Variants in PCDH11X observed in about 807,000 individuals in gnomAD.
The protein encoded by PCDH11X is protocadherin-11 X-linked.
In PCDH11X, 18 loss-of-function variants were observed where a neutral mutation model predicts 53.3. The observed-to-expected ratio is 0.34, with a 90% CI of 0.23 to 0.50. PCDH11X has a LOEUF of 0.50. Ranked by LOEUF, PCDH11X falls within the 20% of genes least tolerant of loss-of-function variation. PCDH11X has a pLI of 0.98. For synonymous variants in PCDH11X, 279 were observed against 393.3 expected, an observed-to-expected ratio of 0.71 and a Z score of 3.44; for missense variants, 570 against 1,032.4, an observed-to-expected ratio of 0.55 and a Z score of 6.14.
intron 1 of PCDH11X, among the ~76,000 whole-genome samples, chrX:91,795,847 T>C (rs1482970446): frequency 9.0e-6 from 1 of 111,494 alleles, no homozygotes; most frequent in African/African-American, 3.2e-5. Flanking sequence ...GACCCCAAAA[T>C]ACATTAAGGT....
chrX:91,942,544 A>G (rs1319983060), intron 6 of PCDH11X, among the ~76,000 whole-genome samples: 3 of 110,867 alleles, frequency 2.7e-5, no homozygotes, highest in Non-Finnish European at 5.7e-5. Context: ...TATATCTATT[A>G]AGGAAATGGA....
chrX:92,003,102 G>C (rs2062537835), intron 6 of PCDH11X, among the ~76,000 whole-genome samples: 1 of 104,248 alleles, frequency 9.6e-6, no homozygotes, highest in African/African-American at 3.5e-5. Context: ...ATCATGAAAG[G>C]ATGTTGAATT....
At chrX:91,938,510 A>G (rs2061471765) in intron 6 of PCDH11X, among the ~76,000 whole-genome samples, 1 of 107,123 alleles carries the variant, frequency 9.3e-6, no homozygotes, top group Admixed American at 1.0e-4. Context: ...GATGGTTAGA[A>G]TTTCTGGAGC....
chrX:91,952,044 C>T (rs2061646479), intron 6 of PCDH11X, among the ~76,000 whole-genome samples: 2 of 110,350 alleles, frequency 1.8e-5, no homozygotes, highest in Admixed American at 9.7e-5. Flanking sequence ...AGAAAGAAAA[C>T]TCCCCTAAGT....
intron 6 of PCDH11X, among the ~76,000 whole-genome samples, chrX:91,967,700 AC>A (rs757018540): frequency 7.2e-4 from 80 of 110,830 alleles, no homozygotes; most frequent in African/African-American, 2.6e-3. Flanking sequence ...AAAAAGGAAG[AC>A]CCCCCTAGCA....
chrX:92,313,447 C>A (rs967837574), intron 8 of PCDH11X, among the ~76,000 whole-genome samples: 4 of 111,347 alleles, frequency 3.6e-5, no homozygotes, highest in African/African-American at 1.3e-4. Context: ...AGAAAAGATA[C>A]AATTTGTTTC....
At chrX:92,473,220 T>A (rs1210500832) in intron 10 of PCDH11X, among the ~76,000 whole-genome samples, 1 of 107,881 alleles carries the variant, frequency 9.3e-6, no homozygotes, top group Non-Finnish European at 1.9e-5. Context: ...TGTCAATTTC[T>A]TCTGGCTTTT....
At chrX:92,159,329 A>G (rs2065595858) in intron 6 of PCDH11X, among the ~76,000 whole-genome samples, 1 of 109,384 alleles carries the variant, frequency 9.1e-6, no homozygotes, top group Admixed American at 9.8e-5. Flanking sequence ...TTCAACATGT[A>G]TTGAATATAA....
At chrX:92,063,997 G>T (rs1167983538) in intron 6 of PCDH11X, among the ~76,000 whole-genome samples, 2 of 108,755 alleles carry the variant, frequency 1.8e-5, no homozygotes, top group African/African-American at 6.7e-5. Context: ...ACTTTCTTGG[G>T]GTGGTGACAG....
intron 6 of PCDH11X, among the ~76,000 whole-genome samples, chrX:91,977,433 C>T (rs760396694): frequency 6.5e-4 from 73 of 111,920 alleles, no homozygotes; most frequent in African/African-American, 2.1e-3. Context: ...GAAAGAAATA[C>T]CCCAAACCAC....
intron 1 of PCDH11X, among the ~76,000 whole-genome samples, chrX:91,788,193 C>T (rs997430833): frequency 1.8e-5 from 2 of 111,532 alleles, no homozygotes; most frequent in African/African-American, 6.5e-5. Flanking sequence ...AGTATCTTAT[C>T]AGAAAGTTAA....
intron 10 of PCDH11X, chrX:92,515,395 G>A (rs1273350468): frequency 5.4e-5 from 13 of 242,439 alleles, no homozygotes; most frequent in Non-Finnish European, 6.9e-5. Context: ...CAGTCTGCCC[G>A]TTGCTCATAG....
chrX:92,076,348 T>C (rs1432500624), intron 6 of PCDH11X, among the ~76,000 whole-genome samples: 1 of 98,544 alleles, frequency 1.0e-5, no homozygotes, highest in African/African-American at 4.4e-5. Context: ...CAAGTGAAGA[T>C]GTGCCAAACT....
At chrX:91,861,013 C>T (rs1420001484) in intron 5 of PCDH11X, among the ~76,000 whole-genome samples, 3 of 111,171 alleles carry the variant, frequency 2.7e-5, no homozygotes, top group African/African-American at 9.8e-5. Flanking sequence ...GGGAGGAGTC[C>T]CTCCTTTTCA....
intron 6 of PCDH11X, among the ~76,000 whole-genome samples, chrX:92,068,232 A>G (rs1199094518): frequency 9.3e-6 from 1 of 107,776 alleles, no homozygotes; most frequent in Non-Finnish European, 1.9e-5. Flanking sequence ...CTAGTTCTCT[A>G]AGATGCATCA....
chrX:92,443,932 C>G (rs891406668), intron 9 of PCDH11X, among the ~76,000 whole-genome samples: 7 of 110,557 alleles, frequency 6.3e-5, no homozygotes, highest in African/African-American at 9.8e-5. Flanking sequence ...TTTATTGTAG[C>G]CTCATAGTGT....
chrX:92,570,070 T>C (rs748565483), intron 10 of PCDH11X, among the ~76,000 whole-genome samples: 1 of 96,422 alleles, frequency 1.0e-5, no homozygotes, highest in African/African-American at 3.8e-5. Context: ...TTTGTTGAAA[T>C]ATAATATCTT....
intron 6 of PCDH11X, among the ~76,000 whole-genome samples, chrX:92,172,565 T>A (rs1183319076): frequency 9.2e-6 from 1 of 108,404 alleles, no homozygotes; most frequent in Non-Finnish European, 1.9e-5. Flanking sequence ...AGTTAACAAA[T>A]TTTTTTTTGA....
intron 6 of PCDH11X, among the ~76,000 whole-genome samples, chrX:92,044,405 A>C: frequency 9.1e-6 from 1 of 109,477 alleles, no homozygotes; most frequent in South Asian, 3.9e-4. Context: ...TGCATATTTA[A>C]TGAGCATATA....
Sources: gnomAD v4.1 joint callset for allele counts (sites outside exome capture counted in the v4.1 genomes callset) on GRCh38, gnomAD v4.1.1 for gene constraint, MANE v1.5 for transcripts, NCBI Gene and HGNC (gene_info 2026-07-23, HGNC 2026-07-21) for gene names.